The following PYHIN1 variants were observed in gnomAD, a reference collection of about 807,000 sequenced individuals.
The protein encoded by PYHIN1 is pyrin and HIN domain-containing protein 1.
In PYHIN1, 32 loss-of-function variants were observed where a neutral mutation model predicts 43.7. The ratio of observed to expected loss-of-function variants is 0.73; its 90% confidence interval spans 0.55 to 0.98. The LOEUF (loss-of-function observed/expected upper bound fraction) is 0.98, where lower values mean the gene tolerates loss of function less well. Ranked by LOEUF, PYHIN1 falls within the 50% of genes least tolerant of loss-of-function variation. The pLI, the probability that PYHIN1 is intolerant of heterozygous loss-of-function variation, is 0.00. For synonymous variants in PYHIN1, 205 were observed against 203.1 expected, an observed-to-expected ratio of 1.01 and a Z score of -0.08; for missense variants, 588 against 589.5, an observed-to-expected ratio of 1.00 and a Z score of 0.03.
At chr1:158,962,732 T>C (rs186759525) in intron 7 of PYHIN1, among the ~76,000 whole-genome samples, 1 of 152,242 alleles carries the variant, frequency 6.6e-6, no homozygotes, top group Admixed American at 6.5e-5. Flanking sequence ...GTCCAGTCTC[T>C]CTTCCCTATG....
chr1:158,955,265 A>G (rs1204164835), intron 7 of PYHIN1, among the ~76,000 whole-genome samples: 21 of 152,164 alleles, frequency 1.4e-4, no homozygotes, highest in Non-Finnish European at 3.1e-4. Flanking sequence ...ACAGACATCT[A>G]CAGAACTCTC....
chr1:158,967,834 G>A (rs558187848), intron 7 of PYHIN1, among the ~76,000 whole-genome samples: 1 of 151,986 alleles, frequency 6.6e-6, no homozygotes, highest in African/African-American at 2.4e-5. Context: ...ACAATGACAA[G>A]CAATGGGATA....
At chr1:158,988,147 C>G in the PYHIN1 span, among the ~76,000 whole-genome samples, 2 of 152,124 alleles carry the variant, frequency 1.3e-5, no homozygotes, top group African/African-American at 4.8e-5. Flanking sequence ...AAACCATAAA[C>G]TTCTGTTGTT....
downstream of PYHIN1, among the ~76,000 whole-genome samples, chr1:158,978,701 A>G (rs146350560): frequency 6.6e-6 from 1 of 152,218 alleles, no homozygotes; most frequent in East Asian, 1.9e-4. Flanking sequence ...TTCTCCCTGA[A>G]ATTTTAACTT....
At chr1:158,979,158 A>C (rs1651399409), downstream of PYHIN1, among the ~76,000 whole-genome samples, 1 of 152,194 alleles carries the variant, frequency 6.6e-6, no homozygotes, top group Admixed American at 6.5e-5. Flanking sequence ...TATGATGATA[A>C]GAGCACGTGA....
At chr1:158,975,107 G>A (rs1612810) in intron 8 of PYHIN1, among the ~76,000 whole-genome samples, 139,493 of 152,016 alleles carry the variant, frequency 0.92, 65,219 homozygotes, top group East Asian at 1. Flanking sequence ...CTCCCATATA[G>A]CCATTTCTTC....
At chr1:158,966,231 GAA>G (rs1187243859) in intron 7 of PYHIN1, among the ~76,000 whole-genome samples, 4 of 151,868 alleles carry the variant, frequency 2.6e-5, no homozygotes, top group Non-Finnish European at 5.9e-5. Flanking sequence ...GAATCAGTAA[GAA>G]AAAGTCTACC....
At chr1:158,950,408 C>T (rs572432851) in intron 7 of PYHIN1, among the ~76,000 whole-genome samples, 1 of 152,200 alleles carries the variant, frequency 6.6e-6, no homozygotes, top group South Asian at 2.1e-4. Context: ...GGCTGCGGGT[C>T]CTGCAGGGTT....
At chr1:158,942,510 C>T in intron 5 of PYHIN1, 111 bp downstream of exon 5, 3 of 793,014 alleles carry the variant, frequency 3.8e-6, no homozygotes, top group Non-Finnish European at 5.8e-6. Flanking sequence ...ACTCAGGACT[C>T]TCTCAAAACT....
chr1:158,979,795 G>T (rs1421663921), downstream of PYHIN1, among the ~76,000 whole-genome samples: 2 of 152,060 alleles, frequency 1.3e-5, no homozygotes, highest in African/African-American at 4.8e-5. Context: ...TACATTACAT[G>T]TTGCTGGGAT....
At chr1:158,974,354 G>C (rs1294612769) in intron 8 of PYHIN1, among the ~76,000 whole-genome samples, 1 of 151,916 alleles carries the variant, frequency 6.6e-6, no homozygotes, top group African/African-American at 2.4e-5. Context: ...ATTTTATTTA[G>C]AACATTTATT....
chr1:158,962,288 T>C (rs142774882), intron 7 of PYHIN1, among the ~76,000 whole-genome samples: 3 of 152,178 alleles, frequency 2.0e-5, no homozygotes, highest in Middle Eastern at 3.4e-3. Flanking sequence ...AGCATCTCTA[T>C]ACTTCCCTGG....
chr1:158,989,636 C>A, the PYHIN1 span, among the ~76,000 whole-genome samples: 1 of 152,268 alleles, frequency 6.6e-6, no homozygotes, highest in Non-Finnish European at 1.5e-5. Context: ...AGATTTCTGG[C>A]AAACCACCAA....
the PYHIN1 span, among the ~76,000 whole-genome samples, chr1:158,985,438 T>A: frequency 4.6e-5 from 7 of 152,192 alleles, no homozygotes; most frequent in Admixed American, 6.5e-5. Context: ...TATGAAATCA[T>A]GGTTAGAATT....
At chr1:158,989,815 C>T in the PYHIN1 span, among the ~76,000 whole-genome samples, 1 of 152,112 alleles carries the variant, frequency 6.6e-6, no homozygotes, top group Non-Finnish European at 1.5e-5. Context: ...CTAATACATT[C>T]TTAAAGGACC....
At chr1:158,941,064 G>T (rs1243409592) in intron 4 of PYHIN1, among the ~76,000 whole-genome samples, 1 of 152,144 alleles carries the variant, frequency 6.6e-6, no homozygotes, top group East Asian at 1.9e-4. Context: ...GTTTTAGGCT[G>T]AATGGGTCAC....
At chr1:158,988,772 A>AT in the PYHIN1 span, among the ~76,000 whole-genome samples, 1 of 152,196 alleles carries the variant, frequency 6.6e-6, no homozygotes, top group African/African-American at 2.4e-5. Flanking sequence ...TGAAGAGAAA[A>AT]TTTTTTGAGA....
downstream of PYHIN1, among the ~76,000 whole-genome samples, chr1:158,979,730 T>C (rs943174522): frequency 6.6e-6 from 1 of 152,180 alleles, no homozygotes; most frequent in African/African-American, 2.4e-5. Context: ...CATATTTTTT[T>C]CTTCCAACTT....
chr1:158,948,547 G>C (rs1354426172), intron 7 of PYHIN1, among the ~76,000 whole-genome samples: 2 of 152,174 alleles, frequency 1.3e-5, no homozygotes, highest in Admixed American at 1.3e-4. Context: ...TCGAGGGATT[G>C]CAGTAGTGCA....
Sources: gnomAD v4.1 joint callset for allele counts (sites outside exome capture counted in the v4.1 genomes callset) on GRCh38, gnomAD v4.1.1 for gene constraint, MANE v1.5 for transcripts, NCBI Gene and HGNC (gene_info 2026-07-23, HGNC 2026-07-21) for gene names.